The following ARHGEF28 variants were observed in gnomAD, a reference collection of about 807,000 sequenced individuals.
The protein encoded by ARHGEF28 is 190 kDa guanine nucleotide exchange factor.
In ARHGEF28, 152 loss-of-function variants were observed where a neutral mutation model predicts 206.6. The ratio of observed to expected loss-of-function variants is 0.74; its 90% CI spans 0.64 to 0.84. The LOEUF is 0.84. Ranked by LOEUF, ARHGEF28 falls within the 40% of genes least tolerant of loss-of-function variation. The pLI, the probability that ARHGEF28 is intolerant of heterozygous loss-of-function variation, is 0.00. For missense variants in ARHGEF28, 2,028 were observed against 2,073.2 expected (o/e 0.98, Z 0.42); for synonymous variants, 763 against 776.4 (o/e 0.98, Z 0.29).
chr5:73,749,710 A>G (rs903442473), intron 2 of ARHGEF28, 127 bp from the exon 3 acceptor site: 19 of 971,132 alleles, frequency 2.0e-5, no homozygotes, highest in African/African-American at 3.3e-5. Flanking sequence ...CACTCATGCT[A>G]TTTGAACTCA....
chr5:73,861,553 C>T (rs975426341), intron 16 of ARHGEF28, among the ~76,000 whole-genome samples: 1 of 152,190 alleles, frequency 6.6e-6, no homozygotes, highest in African/African-American at 2.4e-5. Context: ...CTGCCTCAGC[C>T]TCCTGAGTCG....
At chr5:73,938,962 C>CT (rs1203919121) in intron 35 of ARHGEF28, among the ~76,000 whole-genome samples, 6 of 118,274 alleles carry the variant, frequency 5.1e-5, no homozygotes, top group Non-Finnish European at 7.3e-5. Flanking sequence ...TTGCTTTCTT[C>CT]TTTTTTTTGG....
intron 9 of ARHGEF28, chr5:73,813,397 G>T: frequency 8.5e-7 from 1 of 1,177,510 alleles, no homozygotes; most frequent in Non-Finnish European, 1.1e-6. Flanking sequence ...CTCCTTGTCG[G>T]TCTACACGCC....
intron 22 of ARHGEF28, among the ~76,000 whole-genome samples, chr5:73,881,495 G>A (rs1054094702): frequency 2.0e-5 from 3 of 152,152 alleles, no homozygotes; most frequent in Non-Finnish European, 2.9e-5. Flanking sequence ...TTTACTATGA[G>A]TCATATATGT....
intron 9 of ARHGEF28, among the ~76,000 whole-genome samples, chr5:73,818,363 T>A (rs1561426998): frequency 7.3e-6 from 1 of 136,504 alleles, no homozygotes; most frequent in Non-Finnish European, 1.6e-5. Flanking sequence ...GAGATACTTT[T>A]ATCTCATGGG....
chr5:73,938,247 AAG>A (rs1447476694), intron 35 of ARHGEF28, among the ~76,000 whole-genome samples: 1 of 148,912 alleles, frequency 6.7e-6, no homozygotes, highest in Non-Finnish European at 1.5e-5. Flanking sequence ...TATCTTCTTG[AAG>A]TAGAGCATAC....
chr5:73,805,247 A>G (rs1755370310), intron 9 of ARHGEF28, among the ~76,000 whole-genome samples: 1 of 152,126 alleles, frequency 6.6e-6, no homozygotes, highest in African/African-American at 2.4e-5. Flanking sequence ...TTGTAGGTAC[A>G]CAACACTATG....
intron 28 of ARHGEF28, 109 bp from the exon 29 acceptor site, chr5:73,894,284 C>T (rs1761823879): frequency 1.7e-6 from 2 of 1,156,022 alleles, no homozygotes; most frequent in African/African-American, 3.1e-5. Context: ...TGGGTTTTCT[C>T]TTGGAGGTCT....
chr5:73,691,440 G>A (rs77550294), intron 2 of ARHGEF28, among the ~76,000 whole-genome samples: 3,914 of 152,192 alleles, frequency 0.026, 193 homozygotes, highest in African/African-American at 0.09. Context: ...AACCCTTAGA[G>A]TCATCTCCTG....
intron 2 of ARHGEF28, among the ~76,000 whole-genome samples, chr5:73,730,931 C>T (rs80301294): frequency 0.05 from 7,576 of 150,612 alleles, 209 homozygotes; most frequent in East Asian, 0.094. Context: ...GTCTTTGGGA[C>T]AGTATGTACT....
chr5:73,666,264 G>A (rs1745948968), intron 1 of ARHGEF28, among the ~76,000 whole-genome samples: 1 of 152,176 alleles, frequency 6.6e-6, no homozygotes, highest in African/African-American at 2.4e-5. Flanking sequence ...ACTGGGGTGG[G>A]GGTTGGACCT....
intron 1 of ARHGEF28, among the ~76,000 whole-genome samples, chr5:73,631,215 G>T (rs1034942112): frequency 6.6e-6 from 1 of 152,170 alleles, no homozygotes; most frequent in African/African-American, 2.4e-5. Flanking sequence ...TTTAAGTATG[G>T]TGAAAAGCAA....
intron 1 of ARHGEF28, among the ~76,000 whole-genome samples, chr5:73,627,537 G>C (rs572615196): frequency 2.0e-5 from 3 of 152,178 alleles, no homozygotes; most frequent in Non-Finnish European, 4.4e-5. Context: ...CTCTAGATCT[G>C]TCCTGGGTTT....
intron 1 of ARHGEF28, among the ~76,000 whole-genome samples, chr5:73,639,244 T>TAA (rs1554049611): frequency 1.4e-5 from 2 of 145,386 alleles, no homozygotes; most frequent in Non-Finnish European, 3.0e-5. Context: ...TATATATATA[T>TAA]AATATATATA....
chr5:73,872,565 T>C (rs1760173604), intron 21 of ARHGEF28, among the ~76,000 whole-genome samples: 1 of 152,208 alleles, frequency 6.6e-6, no homozygotes, highest in African/African-American at 2.4e-5. Context: ...TGAAGAACTT[T>C]CTTTAGTTCC....
chr5:73,693,008 G>T (rs188314747), intron 2 of ARHGEF28, among the ~76,000 whole-genome samples: 322 of 152,328 alleles, frequency 2.1e-3, no homozygotes, highest in African/African-American at 7.2e-3. Flanking sequence ...CTTTGCCTGG[G>T]CACCCTCACT....
intron 14 of ARHGEF28, among the ~76,000 whole-genome samples, chr5:73,856,417 C>G (rs867889174): frequency 6.6e-6 from 1 of 152,104 alleles, no homozygotes; most frequent in African/African-American, 2.4e-5. Flanking sequence ...GGACATAACA[C>G]TGTTCTGACT....
intron 31 of ARHGEF28, chr5:73,902,099 C>T (rs766601141): frequency 2.6e-5 from 4 of 151,992 alleles, no homozygotes; most frequent in Non-Finnish European, 4.4e-5. Context: ...CTCACATATA[C>T]AACATATTTT....
chr5:73,684,593 A>C (rs1747326368), intron 1 of ARHGEF28, among the ~76,000 whole-genome samples: 1 of 152,218 alleles, frequency 6.6e-6, no homozygotes, highest in Non-Finnish European at 1.5e-5. Context: ...TATACCTGGA[A>C]GTAGAATTGC....
Sources: gnomAD v4.1 joint callset for allele counts (sites outside exome capture counted in the v4.1 genomes callset) on GRCh38, gnomAD v4.1.1 for gene constraint, MANE v1.5 for transcripts, NCBI Gene and HGNC (gene_info 2026-07-23, HGNC 2026-07-21) for gene names.